The following DTWD2 variants were observed in gnomAD, a reference collection of about 807,000 sequenced individuals.
The protein encoded by DTWD2 is tRNA-uridine aminocarboxypropyltransferase 2.
In DTWD2, 39 loss-of-function variants were observed where a neutral mutation model predicts 31.8. That is an observed-to-expected ratio of 1.22 (90% confidence interval 0.95 to 1.60). DTWD2 has a LOEUF of 1.60. Among genes scored for constraint, DTWD2 ranks in the 40% most tolerant of loss-of-function variants. The pLI is 0.00. For synonymous variants in DTWD2, 180 were observed against 142.8 expected (o/e 1.26, Z -1.86); for missense variants, 515 against 381.5 (o/e 1.35, Z -2.92).
At chr5:118,853,681 T>C (rs552815769) in intron 4 of DTWD2, among the ~76,000 whole-genome samples, 2 of 152,166 alleles carry the variant, frequency 1.3e-5, no homozygotes, top group Non-Finnish European at 2.9e-5. Flanking sequence ...TCCCTTATAA[T>C]TGGGAGCTAA....
At position 118,939,298 on chromosome 5, in the gene DTWD2, T is replaced by A. The variant is rs1754126221; in HGVS notation, c.310-8A>T. The stretch of plus-strand genomic sequence containing the variant: ...ACGCAACACTTTGTTTTCCTTTAAT[T>A]AAAAAATGAATTGAAACATAGATTT... On this transcript the variant is annotated splice_polypyrimidine_tract_variant and splice_region_variant and intron_variant, in intron 2 of 5. Coordinates refer to ENST00000510708, the MANE Select transcript of DTWD2 (RefSeq NM_173666.4). 1.3e-6 allele frequency: 2 copies of A among 1,553,818 alleles called. No individual in the cohort carries two copies. The highest frequency in any genetic ancestry group is 1.7e-6 in the Non-Finnish European group (2 of 1,151,186).
At chr5:118,870,958 A>T (rs1752488681) in intron 4 of DTWD2, among the ~76,000 whole-genome samples, 1 of 149,396 alleles carries the variant, frequency 6.7e-6, no homozygotes, top group Admixed American at 6.7e-5. Context: ...TGTACATATA[A>T]CATATAACTA....
At chr5:118,915,568 G>A (rs1295854758) in intron 4 of DTWD2, among the ~76,000 whole-genome samples, 1 of 151,962 alleles carries the variant, frequency 6.6e-6, no homozygotes, top group Non-Finnish European at 1.5e-5. Context: ...TAGAGATGGG[G>A]TTTCACCATG....
At chr5:118,906,443 C>T (rs1022338623) in intron 4 of DTWD2, among the ~76,000 whole-genome samples, 4 of 152,050 alleles carry the variant, frequency 2.6e-5, no homozygotes, top group African/African-American at 9.7e-5. Context: ...CAGAAAACAA[C>T]CCAAATGGTC....
intron 4 of DTWD2, among the ~76,000 whole-genome samples, chr5:118,893,278 T>C (rs1393130862): frequency 5.3e-5 from 8 of 151,004 alleles, no homozygotes; most frequent in African/African-American, 2.0e-4. Context: ...CGAGAATCGC[T>C]TGAACCTGGG....
At chr5:118,897,728 T>G (rs59816467) in intron 4 of DTWD2, among the ~76,000 whole-genome samples, 15,876 of 152,176 alleles carry the variant, frequency 0.1, 2,748 homozygotes, top group African/African-American at 0.36. Flanking sequence ...ATAAAATGGC[T>G]TATCTCCTCT....
chr5:118,947,257 C>T (rs1335718389), intron 1 of DTWD2, among the ~76,000 whole-genome samples: 1 of 152,202 alleles, frequency 6.6e-6, no homozygotes, highest in Non-Finnish European at 1.5e-5. Context: ...GCTCTTTTAG[C>T]TTTGCTGCCC....
At position 118,973,775 on chromosome 5, in the gene DTWD2, G is replaced by A. The variant is rs889501767; in HGVS notation, c.218+14519C>T. On this transcript the variant is annotated intron_variant, in intron 1 of 5. Coordinates refer to ENST00000510708, the MANE Select transcript of DTWD2 (RefSeq NM_173666.4). ...CGCTTTCTTTTTAATCGCCTGCATC[G>A]GATCACCGGCGTGCCCCACCATGTC... The A allele has an allele frequency of 2.4e-5, 39 of 1,610,960 alleles. No individual in the cohort carries two copies. The African/African-American group carries it at 4.3e-4, about 18-fold the overall frequency.
chr5:118,887,135 T>C (rs964444321), intron 4 of DTWD2, among the ~76,000 whole-genome samples: 1 of 152,218 alleles, frequency 6.6e-6, no homozygotes, highest in Non-Finnish European at 1.5e-5. Context: ...GTGGATATAA[T>C]GAGCAGTTTA....
rs529598410 is a variant in DTWD2 at position 118,882,255 on chromosome 5, T to C, written c.598-34037A>G. ...ATATCCTTTGACTCCAGGTCTCACA[T>C]GCAGGGCAAGTTGATGCAACAGGAG... On this transcript the variant is annotated intron_variant, in intron 4 of 5. Transcript: ENST00000510708. Among the ~76,000 whole-genome samples, 12 of 152,350 alleles carry C rather than the reference T, an allele frequency of 7.9e-5. No homozygotes were observed. In the South Asian group the frequency reaches 2.5e-3, roughly 32 times the overall value.
intron 1 of DTWD2, among the ~76,000 whole-genome samples, chr5:118,946,529 T>G (rs1384892999): frequency 6.6e-6 from 1 of 152,160 alleles, no homozygotes; most frequent in African/African-American, 2.4e-5. Flanking sequence ...ACTAAAATGA[T>G]TCAAAGAATA....
chr5:118,942,150 A>G (rs896082993), intron 2 of DTWD2, among the ~76,000 whole-genome samples: 3 of 152,180 alleles, frequency 2.0e-5, no homozygotes, highest in African/African-American at 7.2e-5. Context: ...TTTATTGGAA[A>G]TGGTGTGCTG....
chr5:118,964,590 C>T (rs1418738521), intron 1 of DTWD2, among the ~76,000 whole-genome samples: 1 of 152,226 alleles, frequency 6.6e-6, no homozygotes, highest in Non-Finnish European at 1.5e-5. Context: ...CAGGCGCGTG[C>T]CGCCACGCCT....
chr5:118,914,320 C>A (rs1398927521), intron 4 of DTWD2, among the ~76,000 whole-genome samples: 1 of 152,114 alleles, frequency 6.6e-6, no homozygotes, highest in African/African-American at 2.4e-5. Context: ...CACCTTTCAC[C>A]AGTTGAGGAC....
At chr5:118,881,196 G>A (rs982223161) in intron 4 of DTWD2, among the ~76,000 whole-genome samples, 4 of 152,162 alleles carry the variant, frequency 2.6e-5, no homozygotes, top group Admixed American at 6.5e-5. Flanking sequence ...TACTAAAGGT[G>A]TAGGTACCAT....
chr5:118,853,476 T>C (rs1215142914), intron 4 of DTWD2, among the ~76,000 whole-genome samples: 1 of 152,120 alleles, frequency 6.6e-6, no homozygotes, highest in Non-Finnish European at 1.5e-5. Flanking sequence ...CTATTCATAA[T>C]AGCAAAGACA....
At chr5:118,882,137 C>A (rs980829637) in intron 4 of DTWD2, among the ~76,000 whole-genome samples, 3 of 152,162 alleles carry the variant, frequency 2.0e-5, no homozygotes, top group Non-Finnish European at 1.5e-5. Context: ...TGTTCCCATC[C>A]CAAATGGGAG....
intron 4 of DTWD2, among the ~76,000 whole-genome samples, chr5:118,870,943 T>A (rs1371392378): frequency 6.7e-6 from 1 of 149,156 alleles, no homozygotes; most frequent in East Asian, 1.9e-4. Flanking sequence ...TTATATAATA[T>A]ATAATGTACA....
chr5:118,916,507 A>C (rs1753581032), intron 4 of DTWD2, among the ~76,000 whole-genome samples: 1 of 152,062 alleles, frequency 6.6e-6, no homozygotes, highest in African/African-American at 2.4e-5. Flanking sequence ...CTCTAATAAA[A>C]ATACAAAATT....
Sources: allele counts gnomAD v4.1 joint callset (sites outside exome capture counted in the v4.1 genomes callset), GRCh38; gene constraint gnomAD v4.1.1; transcripts MANE v1.5; gene names NCBI Gene and HGNC (gene_info 2026-07-23, HGNC 2026-07-21).